Variants in MGAM observed in about 807,000 individuals in gnomAD.
MGAM encodes alpha-1,4-glucosidase.
A neutral mutation model predicts 358.8 loss-of-function variants in MGAM; 253 were observed. That is an observed-to-expected ratio of 0.71 (90% CI 0.64 to 0.78). The LOEUF is 0.78. MGAM is among the 30% of genes least tolerant of loss of function. The pLI, the probability that MGAM is intolerant of heterozygous loss-of-function variation, is 0.00. For missense variants in MGAM, 3,080 were observed against 3,432.6 expected, an observed-to-expected ratio of 0.90 and a Z score of 2.57; for synonymous variants, 1,105 against 1,227.1, an observed-to-expected ratio of 0.90 and a Z score of 2.08.
chr7:141,994,686 G>A (rs1268339176), upstream of MGAM, among the ~76,000 whole-genome samples: 2 of 152,212 alleles, frequency 1.3e-5, no homozygotes, highest in Non-Finnish European at 2.9e-5. Flanking sequence ...GGATGTGATT[G>A]GATCATGGGG....
At chr7:142,041,477 T>C (rs1808532120) in intron 21 of MGAM, among the ~76,000 whole-genome samples, 1 of 152,070 alleles carries the variant, frequency 6.6e-6, no homozygotes, top group Admixed American at 6.6e-5. Flanking sequence ...TTCTAACTGT[T>C]CACCTTCAAG....
At chr7:142,046,669 A>G (rs1382888127) in intron 21 of MGAM, among the ~76,000 whole-genome samples, 1 of 152,070 alleles carries the variant, frequency 6.6e-6, no homozygotes, top group Admixed American at 6.6e-5. Flanking sequence ...TCTCTTGGAT[A>G]TATTTCTTAC....
At position 142,087,350 on chromosome 7, in the gene MGAM, A is replaced by T. The variant is rs776861548; in HGVS notation, c.6810+633A>T. ...AAGTAGCCCATGCTTCTGTACCTGA[A>T]TTTTTTTCCAGATTCACTAAGCGTT... is the stretch of plus-strand genomic sequence containing the variant. On this transcript the variant is annotated intron_variant, in intron 57 of 70. Transcript: ENST00000475668. Among the ~76,000 whole-genome samples, 12 of 145,188 alleles carry T rather than the reference A, an allele frequency of 8.3e-5. 1 individual carries two copies. The highest frequency in any genetic ancestry group is 1.6e-4 in the Non-Finnish European group (10 of 64,222).
intron 37 of MGAM, among the ~76,000 whole-genome samples, chr7:142,065,017 C>T (rs1206328614): frequency 1.3e-5 from 2 of 152,140 alleles, no homozygotes; most frequent in African/African-American, 4.8e-5. Flanking sequence ...GATCTTATAA[C>T]CTTCACTGTG....
chr7:142,079,165 G>C (rs1329319204), intron 49 of MGAM, among the ~76,000 whole-genome samples, 157 bp downstream of exon 49: 1 of 146,024 alleles, frequency 6.8e-6, no homozygotes, highest in African/African-American at 2.4e-5. Flanking sequence ...GGAACAATGA[G>C]ACCTGCCCTA....
At chr7:142,088,684 A>G (rs1815003372) in intron 57 of MGAM, among the ~76,000 whole-genome samples, 1 of 140,794 alleles carries the variant, frequency 7.1e-6, no homozygotes, top group African/African-American at 2.5e-5. Context: ...CTATCTATCT[A>G]TCTATCTATC....
At position 142,052,962 on chromosome 7, in the gene MGAM, A is replaced by T; in HGVS notation, c.3137A>T (p.Lys1046Met). Residue 1046 changes from lysine to methionine, a missense_variant, in exon 26 of 71, where the codon AAG becomes ATG. Lys to Met is a moderately conservative substitution (Grantham distance 95). Transcript: ENST00000475668. ...NPLRLDVTYH[K>M]NEMLQFKIYD... Reference sequence around the variant, plus strand: ...CTTCGCCTGGATGTCACTTACCATAAGAATGAAATGCTGCAGTTCAAGGTA... The same window carrying T: ...CTTCGCCTGGATGTCACTTACCATATGAATGAAATGCTGCAGTTCAAGGTA... 1 of 1,613,888 alleles carries T rather than the reference A, an allele frequency of 6.2e-7. No individual in the cohort carries two copies. The highest frequency in any genetic ancestry group is 8.5e-7 in the Non-Finnish European group (1 of 1,179,836).
intron 33 of MGAM, 103 bp downstream of exon 33, chr7:142,060,069 C>T: frequency 7.4e-7 from 1 of 1,347,200 alleles, no homozygotes; most frequent in Non-Finnish European, 1.0e-6. Context: ...TATTTTTGGC[C>T]TTTTCTATTT....
At chr7:142,030,314 C>A in intron 10 of MGAM, 48 bp from the exon 11 acceptor site, 1 of 1,581,620 alleles carries the variant, frequency 6.3e-7, no homozygotes, top group Non-Finnish European at 8.6e-7. Context: ...TTTCATTTTA[C>A]TATGGAAATT....
chr7:142,058,039 T>C (rs1323028229), intron 30 of MGAM, among the ~76,000 whole-genome samples, 164 bp from the exon 31 acceptor site: 1 of 152,204 alleles, frequency 6.6e-6, no homozygotes, highest in Non-Finnish European at 1.5e-5. Context: ...AGCAGAAAGC[T>C]TTCTCTAAGT....
chr7:142,035,169 A>G (rs1807874044), intron 16 of MGAM, among the ~76,000 whole-genome samples: 2 of 152,176 alleles, frequency 1.3e-5, no homozygotes, highest in Admixed American at 1.3e-4. Flanking sequence ...TGTATCTAGT[A>G]CCAAGATGAA....
intron 57 of MGAM, among the ~76,000 whole-genome samples, chr7:142,089,850 C>T (rs1377186356): frequency 6.9e-6 from 1 of 145,852 alleles, no homozygotes; most frequent in African/African-American, 2.4e-5. Context: ...TACCTTTGCA[C>T]CAACCTAATA....
At chr7:142,012,451 G>A (rs1183189435) in intron 3 of MGAM, among the ~76,000 whole-genome samples, 4 of 151,994 alleles carry the variant, frequency 2.6e-5, no homozygotes, top group Non-Finnish European at 5.9e-5. Context: ...CCTCTTAAAG[G>A]CCCCACTGTT....
At chr7:142,096,067 T>C (rs1489028521) in intron 64 of MGAM, 42 of 595,750 alleles carry the variant, frequency 7.0e-5, no homozygotes, top group South Asian at 5.1e-4. Flanking sequence ...CATCCTTGCA[T>C]TTGAAGTTTG....
rs559412216 is a variant in MGAM, at chr7:142,040,492, A to G, written c.2374-230A>G. 91 of 602,870 alleles carry G rather than the reference A, an allele frequency of 1.5e-4. 3 individuals carry two copies. In the South Asian group the frequency reaches 2.0e-3, roughly 13 times the overall value. 37.3% of individuals were successfully genotyped at this position (602,870 alleles called of 1,614,324 possible). A position where few individuals can be genotyped will look rare whatever the true frequency, so the allele number is the denominator to read the frequency against. On this transcript the variant is annotated intron_variant, in intron 20 of 70. Coordinates refer to ENST00000475668, the MANE Select transcript of MGAM (RefSeq NM_001365693.1). ...ACTATCTGTTTAAAACTATCAGTTT[A>G]TATAATATATCAAATAGCCTCAGCA...
At chr7:142,066,437 A>C in intron 40 of MGAM, 136 bp from the exon 41 acceptor site, 3 of 1,029,030 alleles carry the variant, frequency 2.9e-6, no homozygotes, top group Non-Finnish European at 4.2e-6. Context: ...TATTAAGAAT[A>C]TTCTCTGGGC....
chr7:142,009,077 C>T (rs1238311630), intron 3 of MGAM, among the ~76,000 whole-genome samples: 2 of 152,148 alleles, frequency 1.3e-5, no homozygotes, highest in East Asian at 3.9e-4. Context: ...ATTACTAGTT[C>T]TTTCTGACTC....
At chr7:142,012,632 A>G (rs969474103) in intron 3 of MGAM, among the ~76,000 whole-genome samples, 12 of 152,216 alleles carry the variant, frequency 7.9e-5, no homozygotes, top group African/African-American at 2.7e-4. Context: ...AGTGGTTTGC[A>G]GCAACAATTG....
Position 142,065,751 on chromosome 7 carries a change from G to T in MGAM, c.4690G>T (p.Glu1564Ter), listed in dbSNP as rs771962308. 104 of 1,556,278 alleles carry T rather than the reference G, an allele frequency of 6.7e-5. 19 individuals carry two copies. Among genetic ancestry groups the T allele is most frequent in the Non-Finnish European group, 9.2e-5 (104 of 1,132,702 alleles). The change falls in exon 40 of 71, where the codon GAG becomes TAG. Residue 1564 changes from glutamate (E) to a stop codon, truncating the protein, a stop_gained. Coordinates refer to ENST00000475668, the MANE Select transcript of MGAM (RefSeq NM_001365693.1). LOFTEE classifies it high-confidence loss of function. ...ADICGFFQDA[E>*]YEMCVRWMQL... is the part of the protein sequence containing the mutation. The stretch of plus-strand genomic sequence containing the variant: ...TATCTGTGGGTTCTTTCAAGACGCT[G>T]AGTACGAGATGTGTGTTCGCTGGAT...
Sources: allele counts gnomAD v4.1 joint callset (sites outside exome capture counted in the v4.1 genomes callset), GRCh38; gene constraint gnomAD v4.1.1; transcripts MANE v1.5; gene names NCBI Gene and HGNC (gene_info 2026-07-23, HGNC 2026-07-21).